The following SERPINI1 variants were observed in gnomAD, a reference collection of about 807,000 sequenced individuals.
The protein encoded by SERPINI1 is serpin family I member 1.
Under a neutral mutation model 41.1 loss-of-function variants are expected in SERPINI1, and 19 were observed. That is an observed-to-expected ratio of 0.46 (90% CI 0.32 to 0.68). The LOEUF (loss-of-function observed/expected upper bound fraction) is 0.68, where lower values mean the gene tolerates loss of function less well. Among genes scored for constraint, SERPINI1 ranks in the 30% least tolerant of loss-of-function variants. The pLI is 0.03. For synonymous variants in SERPINI1, 138 were observed against 156.6 expected (o/e 0.88, Z 0.89); for missense variants, 460 against 479.2 (o/e 0.96, Z 0.37).
intron 1 of SERPINI1, among the ~76,000 whole-genome samples, chr3:167,747,957 A>G (rs1452612748): frequency 6.6e-6 from 1 of 151,750 alleles, no homozygotes; most frequent in East Asian, 1.9e-4. Flanking sequence ...TAATTTCAAA[A>G]TGAAGGCAAG....
intron 5 of SERPINI1, among the ~76,000 whole-genome samples, chr3:167,800,771 G>A (rs1577425722): frequency 6.8e-6 from 1 of 146,062 alleles, no homozygotes; most frequent in African/African-American, 2.8e-5. Context: ...AACTACATAA[G>A]TCGTCTGCTT....
At chr3:167,820,367 C>G (rs553725932) in intron 6 of SERPINI1, among the ~76,000 whole-genome samples, 5 of 152,280 alleles carry the variant, frequency 3.3e-5, no homozygotes, top group Non-Finnish European at 5.9e-5. Flanking sequence ...CCCAGCCAAC[C>G]TGGGCACAGC....
intron 5 of SERPINI1, among the ~76,000 whole-genome samples, chr3:167,796,037 A>G (rs1003109303): frequency 2.0e-5 from 3 of 152,152 alleles, no homozygotes; most frequent in Non-Finnish European, 4.4e-5. Context: ...CATTAAGGTG[A>G]TAAATGAGTT....
chr3:167,794,266 T>C (rs1727641320), intron 4 of SERPINI1, among the ~76,000 whole-genome samples: 1 of 152,150 alleles, frequency 6.6e-6, no homozygotes, highest in South Asian at 2.1e-4. Context: ...GATTCTAAAA[T>C]AAAATAAATT....
At chr3:167,806,906 A>G (rs1488279977) in intron 5 of SERPINI1, among the ~76,000 whole-genome samples, 1 of 152,060 alleles carries the variant, frequency 6.6e-6, no homozygotes, top group Non-Finnish European at 1.5e-5. Context: ...TTTGAAAGCT[A>G]CTCATTTACA....
Position 167,772,823 on chromosome 3 carries a change from A to ACACTCTCT in SERPINI1, c.-18-16287_-18-16286insACTCTCTC, listed in dbSNP as rs1553772884. ...ATTCCAGCCTGGGCAGTATCTTGAG[A>ACACTCTCT]CTCTCTCTCTCTCTCTCTCTCTCTC... On this transcript the variant is annotated intron_variant, in intron 1 of 8. Transcript: ENST00000446050. Among the ~76,000 whole-genome samples, 32 of 23,624 alleles carry ACACTCTCT rather than the reference A, an allele frequency of 1.4e-3. 1 individual carries two copies. Among genetic ancestry groups the ACACTCTCT allele is most frequent in the Non-Finnish European group, 1.6e-3 (19 of 12,114 alleles). 15.5% of individuals were successfully genotyped at this position (23,624 alleles called of 152,430 possible).
At chr3:167,814,729 C>T (rs1387393358) in intron 6 of SERPINI1, among the ~76,000 whole-genome samples, 2 of 152,158 alleles carry the variant, frequency 1.3e-5, no homozygotes, top group African/African-American at 2.4e-5. Context: ...TGAATGAATG[C>T]CTTTGTAGTC....
chr3:167,796,700 T>TAGC (rs1382677792), intron 5 of SERPINI1, among the ~76,000 whole-genome samples: 1 of 152,172 alleles, frequency 6.6e-6, no homozygotes, highest in African/African-American at 2.4e-5. Context: ...TTCCTTTTTA[T>TAGC]GGCTGCATAG....
Position 167,824,454 on chromosome 3 carries a change from C to T in SERPINI1, c.1067-19C>T. On this transcript the variant is annotated intron_variant, in intron 7 of 8. Transcript: ENST00000446050. ...CTGCACATCCACAGACATATAATTA[C>T]TTTTTATCTGCACTGTAGGAATGAT... 2.5e-6 allele frequency: 4 copies of T among 1,595,020 alleles called. No individual in the cohort carries two copies. Among genetic ancestry groups the T allele is most frequent in the Non-Finnish European group, 2.6e-6 (3 of 1,163,070 alleles).
chr3:167,744,386 C>T (rs1186896543), intron 1 of SERPINI1, among the ~76,000 whole-genome samples: 1 of 151,030 alleles, frequency 6.6e-6, no homozygotes, highest in African/African-American at 2.4e-5. Flanking sequence ...TTTTTTTACT[C>T]AAATAGGGAT....
intron 1 of SERPINI1, among the ~76,000 whole-genome samples, chr3:167,776,068 T>C (rs973737387): frequency 6.6e-6 from 1 of 152,208 alleles, no homozygotes; most frequent in African/African-American, 2.4e-5. Context: ...GCAAGCCCAC[T>C]GTCTAGGGAA....
At chr3:167,776,251 GT>G (rs1432272046) in intron 1 of SERPINI1, among the ~76,000 whole-genome samples, 1 of 152,190 alleles carries the variant, frequency 6.6e-6, no homozygotes, top group East Asian at 1.9e-4. Flanking sequence ...TGTGTCACTT[GT>G]TTAGCTCTCC....
chr3:167,756,376 C>T (rs1367281136), intron 1 of SERPINI1, among the ~76,000 whole-genome samples: 2 of 152,170 alleles, frequency 1.3e-5, no homozygotes, highest in Non-Finnish European at 2.9e-5. Flanking sequence ...CAGCTCACTG[C>T]AGCCTTGACC....
At chr3:167,793,765 C>T (rs1459284795) in intron 4 of SERPINI1, among the ~76,000 whole-genome samples, 1 of 149,524 alleles carries the variant, frequency 6.7e-6, no homozygotes, top group African/African-American at 2.5e-5. Context: ...AAATTATATA[C>T]ATACAGGTTT....
intron 5 of SERPINI1, among the ~76,000 whole-genome samples, chr3:167,799,301 TC>T (rs1727823347): frequency 6.6e-6 from 1 of 152,208 alleles, no homozygotes; most frequent in African/African-American, 2.4e-5. Context: ...TGTTTGGTTT[TC>T]TGTTCCTGTG....
intron 1 of SERPINI1, among the ~76,000 whole-genome samples, chr3:167,743,096 A>G (rs1486381758): frequency 6.6e-6 from 1 of 152,158 alleles, no homozygotes; most frequent in Non-Finnish European, 1.5e-5. Context: ...TAATCTCTCC[A>G]TATAGACTGC....
intron 1 of SERPINI1, among the ~76,000 whole-genome samples, chr3:167,787,846 C>G (rs1285435574): frequency 3.9e-5 from 6 of 152,198 alleles, no homozygotes; most frequent in Non-Finnish European, 8.8e-5. Flanking sequence ...CCAGGCAGTT[C>G]TCTGAAATTG....
At chr3:167,746,385 C>T (rs1725865210) in intron 1 of SERPINI1, among the ~76,000 whole-genome samples, 1 of 151,928 alleles carries the variant, frequency 6.6e-6, no homozygotes, top group South Asian at 2.1e-4. Context: ...GATATGACAC[C>T]AAAAGTACAA....
intron 5 of SERPINI1, among the ~76,000 whole-genome samples, chr3:167,797,418 CTG>C (rs1727750454): frequency 6.6e-6 from 1 of 152,056 alleles, no homozygotes; most frequent in Non-Finnish European, 1.5e-5. Context: ...TAATCTTTGC[CTG>C]TGTCTGTGTC....
Sources: allele counts gnomAD v4.1 joint callset (sites outside exome capture counted in the v4.1 genomes callset), GRCh38; gene constraint gnomAD v4.1.1; transcripts MANE v1.5; gene names NCBI Gene and HGNC (gene_info 2026-07-23, HGNC 2026-07-21).